Variants in WNK1 observed in about 807,000 individuals in gnomAD.
WNK1 encodes the protein serine/threonine-protein kinase WNK1.
Under a neutral mutation model 222.8 loss-of-function variants are expected in WNK1, and 38 were observed. That is an observed-to-expected ratio of 0.17 (90% CI 0.13 to 0.22). The LOEUF is 0.22. Ranked by LOEUF, WNK1 falls within the 10% of genes least tolerant of loss-of-function variation. The probability of loss-of-function intolerance (pLI) is 1.00; values close to 1 mark genes in which losing one functional copy is unlikely to be tolerated. For synonymous variants in WNK1, 1,090 were observed against 1,092.9 expected, an observed-to-expected ratio of 1.00 and a Z score of 0.05; for missense variants, 2,348 against 2,918.4, an observed-to-expected ratio of 0.80 and a Z score of 4.50.
At chr12:861,478 G>A (rs1311122765) in intron 7 of WNK1, 135 bp downstream of exon 7, 10 of 786,412 alleles carry the variant, frequency 1.3e-5, no homozygotes, top group South Asian at 6.5e-5. Flanking sequence ...AATGGTTGTC[G>A]TCTAGCTTCT....
intron 19 of WNK1, 41 bp downstream of exon 19, chr12:886,125 G>T (rs201152279): frequency 1.4e-5 from 21 of 1,458,680 alleles, no homozygotes; most frequent in Non-Finnish European, 1.0e-5. Flanking sequence ...AATATGATCA[G>T]TTTTTTTTCT....
chr12:811,814 A>T (rs528716826), intron 1 of WNK1, among the ~76,000 whole-genome samples: 47 of 152,296 alleles, frequency 3.1e-4, no homozygotes, highest in African/African-American at 1.1e-3. Flanking sequence ...TGTTGATGAT[A>T]ATCTGTTGTC....
Position 908,600 on chromosome 12 carries a change from T to C in WNK1, c.6957T>C (p.Ser2319=), listed in dbSNP as rs1592281784. 1 of 1,614,144 alleles carries C rather than the reference T, an allele frequency of 6.2e-7. No homozygotes were observed. The highest frequency in any genetic ancestry group is 1.1e-5 in the South Asian group (1 of 91,078). ...CCTCTCTAGGTCACTTCACCAAGTC[T>C]ATGTGCCCCCCACAGCAGTATGGCT... ...SATSLGHFTK[S]MCPPQQYGFP... Residue 2319 remains serine, a synonymous_variant, in exon 28 of 28, where the codon TCT becomes TCC. Transcript: ENST00000315939.
chr12:790,765 G>A (rs1340998515), intron 1 of WNK1, among the ~76,000 whole-genome samples: 1 of 152,092 alleles, frequency 6.6e-6, no homozygotes, highest in Non-Finnish European at 1.5e-5. Flanking sequence ...ATTTTGTTTA[G>A]TGTTTACTCT....
rs55907924 is a variant in WNK1 at position 897,443 on chromosome 12, A to G, written c.6246-36A>G. 8.7e-6 allele frequency: 11 copies of G among 1,268,890 alleles called. No homozygotes were observed. The East Asian group carries it at 1.4e-4, about 16-fold the overall frequency. 78.6% of individuals were successfully genotyped at this position (1,268,890 alleles called of 1,614,324 possible). On this transcript the variant is annotated intron_variant, in intron 24 of 27. Transcript: ENST00000315939. ...AATTCTTGTCTGAATGAAGAGGATT[A>G]TGGTATTTTGAATTATGTTTGGTTA...
At position 756,681 on chromosome 12, in the gene WNK1, G is replaced by T. The variant is rs147440927; in HGVS notation, c.759+2357G>T. On this transcript the variant is annotated intron_variant, in intron 1 of 27. Coordinates refer to ENST00000315939, the MANE Select transcript of WNK1 (RefSeq NM_018979.4). ...TTTTGGTTTTTTGACCAGGACACTT[G>T]CACTACATGCCTAATAAAATATTCA... is the stretch of plus-strand genomic sequence containing the variant. 2.3e-3 allele frequency among the ~76,000 whole-genome samples: 353 copies of T among 152,324 alleles called. 2 individuals are homozygous for T. The highest frequency in any genetic ancestry group is 8.2e-3 in the African/African-American group (340 of 41,562).
chr12:885,065 G>T lies in WNK1; in HGVS notation c.4261G>T (p.Val1421Phe). The T allele has an allele frequency of 6.2e-7, 1 of 1,614,198 alleles. No homozygotes were observed. The highest frequency in any genetic ancestry group is 8.5e-7 in the Non-Finnish European group (1 of 1,180,036). Residue 1421 changes from valine (V) to phenylalanine (F), a missense_variant, in exon 19 of 28, where the codon GTT becomes TTT. Around this residue, in one of 13 missense-constraint regions of WNK1, gnomAD observed 1,144 missense variants for 1,273.6 expected, o/e 0.90. Transcript: ENST00000315939. ...SVVSSITIPA[V>F]VSISTTSPSL... The stretch of plus-strand genomic sequence containing the variant: ...AGTTTCAAGTATCACAATACCTGCA[G>T]TTGTCTCAATATCTACTACATCCCC...
At position 883,381 on chromosome 12, in the gene WNK1, C is replaced by T; in HGVS notation, c.3490-14C>T. On this transcript the variant is annotated splice_polypyrimidine_tract_variant and intron_variant, in intron 15 of 27. Transcript: ENST00000315939. ...AATGACACTAATTAGACTGACATCACATTTCTTTTACAGGTGAACAATGAC... is the reference window on the plus strand; with the variant it reads ...AATGACACTAATTAGACTGACATCATATTTCTTTTACAGGTGAACAATGAC... The T allele has an allele frequency of 2.5e-6, 4 of 1,614,096 alleles. No homozygotes were observed. Among genetic ancestry groups the T allele is most frequent in the Non-Finnish European group, 3.4e-6 (4 of 1,179,968 alleles).
intron 25 of WNK1, 133 bp from the exon 26 acceptor site, chr12:900,340 GTTC>G (rs757849233): frequency 4.4e-6 from 4 of 909,506 alleles, no homozygotes; most frequent in Non-Finnish European, 3.5e-6. Context: ...TGAGGACTTT[GTTC>G]TTCTCATCAG....
Position 785,461 on chromosome 12 carries a change from T to C in WNK1, c.760-28181T>C, listed in dbSNP as rs933001251. On this transcript the variant is annotated intron_variant, in intron 1 of 27. Transcript: ENST00000315939. ...GTCACCCAGAGCTGGAGTGCAATGG[T>C]GTGATCTTGGCTCACTGCAGCCTCC... Among the ~76,000 whole-genome samples the C allele has an allele frequency of 5.0e-5, 6 of 120,758 alleles. No individual in the cohort carries two copies. In the Admixed American group the frequency reaches 7.0e-4, roughly 14 times the overall value. The allele number at this position is 120,758 out of a possible 152,430, so 79.2% of individuals were successfully genotyped here. A position where few individuals can be genotyped will look rare whatever the true frequency, so the allele number is the denominator to read the frequency against.
At chr12:856,499 G>T (rs1950807775) in intron 4 of WNK1, among the ~76,000 whole-genome samples, 1 of 151,860 alleles carries the variant, frequency 6.6e-6, no homozygotes, top group South Asian at 2.1e-4. Flanking sequence ...ACTTTATAAA[G>T]ATTTTAAACT....
chr12:834,063 C>T (rs1450985430), intron 4 of WNK1, among the ~76,000 whole-genome samples: 1 of 152,116 alleles, frequency 6.6e-6, no homozygotes, highest in African/African-American at 2.4e-5. Flanking sequence ...ACAAAAAGAG[C>T]TGTTGTATGA....
Position 754,070 on chromosome 12 carries a change from C to G in WNK1, c.505C>G (p.Pro169Ala). 6.2e-7 allele frequency: 1 copy of G among 1,606,450 alleles called. No individual in the cohort carries two copies. Among genetic ancestry groups the G allele is most frequent in the Non-Finnish European group, 8.5e-7 (1 of 1,177,076 alleles). The change falls in exon 1 of 28, where the codon CCT becomes GCT. Residue 169 changes from proline (P) to alanine (A), a missense_variant. This residue lies in a region of WNK1 where 185 missense variants were observed against 159.2 expected (regional missense o/e 1.16). Coordinates refer to ENST00000315939, the MANE Select transcript of WNK1 (RefSeq NM_018979.4). ...CAGCAAAGACCGCCCAGTGTCCCAGCCTAGCCTTGTGGGGAGCAAAGAGGA... is the reference window on the plus strand; with the variant it reads ...CAGCAAAGACCGCCCAGTGTCCCAGGCTAGCCTTGTGGGGAGCAAAGAGGA... The part of the protein sequence containing the change: ...STSKDRPVSQ[P>A]SLVGSKEEPP...
chr12:795,469 T>C lies in WNK1; in HGVS notation c.760-18173T>C, dbSNP rs1399736434. On this transcript the variant is annotated intron_variant, in intron 1 of 27. Transcript: ENST00000315939. Reference sequence around the variant, plus strand: ...TACTGTTCTCATGATAGTGAATAAGTCTCAGAGATCTGATGGTTTGATAAG... The same window carrying C: ...TACTGTTCTCATGATAGTGAATAAGCCTCAGAGATCTGATGGTTTGATAAG... Among the ~76,000 whole-genome samples the C allele has an allele frequency of 2.0e-5, 3 of 152,128 alleles. No individual in the cohort carries two copies. In the South Asian group the frequency reaches 6.2e-4, roughly 32 times the overall value.
chr12:809,200 G>T (rs1946671387), intron 1 of WNK1, among the ~76,000 whole-genome samples: 1 of 133,544 alleles, frequency 7.5e-6, no homozygotes, highest in Non-Finnish European at 1.6e-5. Context: ...CAGGTAACCA[G>T]ATTTTTTTTT....
At chr12:777,043 T>C (rs540795855) in intron 1 of WNK1, among the ~76,000 whole-genome samples, 80 of 152,304 alleles carry the variant, frequency 5.3e-4, no homozygotes, top group East Asian at 5.8e-4. Context: ...TATTGAGAAT[T>C]ATGTGTATAT....
chr12:829,022 G>A (rs1948591768), intron 3 of WNK1, among the ~76,000 whole-genome samples: 1 of 152,188 alleles, frequency 6.6e-6, no homozygotes, highest in Non-Finnish European at 1.5e-5. Flanking sequence ...TGGGAAAAGT[G>A]TCATTTAAAG....
chr12:885,704 C>T lies in WNK1; in HGVS notation c.4900C>T (p.His1634Tyr). ...TTTGCTTCCCAACCAGCCCCATACT[C>T]ATTGTCCTGAAGTAGATTCTGATAC... The part of the protein sequence containing the change: ...PALLPNQPHT[H>Y]CPEVDSDTQP... Residue 1634 changes from histidine to tyrosine, a missense_variant, in exon 19 of 28, where the codon CAT (histidine) becomes TAT (tyrosine). Physicochemically the swap from His to Tyr is moderately conservative, Grantham distance 83. Transcript: ENST00000315939. The T allele has an allele frequency of 6.2e-7, 1 of 1,614,178 alleles. No individual in the cohort carries two copies. The highest frequency in any genetic ancestry group is 8.5e-7 in the Non-Finnish European group (1 of 1,180,040).
chr12:814,952 T>G (rs2154012792), intron 2 of WNK1, among the ~76,000 whole-genome samples: 1 of 152,274 alleles, frequency 6.6e-6, no homozygotes, highest in East Asian at 1.9e-4. Context: ...AGGCATTAGA[T>G]TCTCATAACG....
Sources: gnomAD v4.1 joint callset for allele counts (sites outside exome capture counted in the v4.1 genomes callset) on GRCh38, gnomAD v4.1.1 for gene constraint, gnomAD v4.1.1 regional missense constraint, MANE v1.5 for transcripts, NCBI Gene and HGNC (gene_info 2026-07-23, HGNC 2026-07-21) for gene names.